PDE9A: variants seen among roughly 807,000 people sequenced by gnomAD.
PDE9A encodes phosphodiesterase 9A.
Under a neutral mutation model 87.4 loss-of-function variants are expected in PDE9A, and 60 were observed. That is an observed-to-expected ratio of 0.69 (90% confidence interval 0.56 to 0.85). The LOEUF (loss-of-function observed/expected upper bound fraction) is 0.85, where lower values mean the gene tolerates loss of function less well. Ranked by LOEUF, PDE9A falls within the 40% of genes least tolerant of loss-of-function variation. The probability of loss-of-function intolerance (pLI) is 0.00; values close to 1 mark genes in which losing one functional copy is unlikely to be tolerated. For synonymous variants in PDE9A, 272 were observed against 279.4 expected, an observed-to-expected ratio of 0.97 and a Z score of 0.27; for missense variants, 665 against 779.0, an observed-to-expected ratio of 0.85 and a Z score of 1.74.
At chr21:42,716,866 T>G (rs1310117226) in intron 4 of PDE9A, among the ~76,000 whole-genome samples, 1 of 147,476 alleles carries the variant, frequency 6.8e-6, no homozygotes, top group East Asian at 2.1e-4. Flanking sequence ...TTCTCCTGCC[T>G]CAGCCTCCCG....
rs1243032943 is a variant in PDE9A, at chr21:42,653,747, C to T, written c.-68C>T. Reference sequence around the variant, plus strand: ...CCGCCCCCTCCCCTGCTCCCCTCCCCCGCCTCCCGCGGCGGCTGGCGTCGG... The same window carrying T: ...CCGCCCCCTCCCCTGCTCCCCTCCCTCGCCTCCCGCGGCGGCTGGCGTCGG... On this transcript the variant is annotated 5_prime_UTR_variant, in exon 1 of 20. Coordinates refer to ENST00000291539, the MANE Select transcript of PDE9A (RefSeq NM_002606.3). 11 of 896,904 alleles carry T rather than the reference C, an allele frequency of 1.2e-5. No individual in the cohort carries two copies. The African/African-American group carries it at 1.3e-4, about 10-fold the overall frequency. 55.6% of individuals were successfully genotyped at this position (896,904 alleles called of 1,614,324 possible).
intron 1 of PDE9A, among the ~76,000 whole-genome samples, chr21:42,671,593 GAGGTAAATTGC>G (rs1287076702): frequency 6.6e-6 from 1 of 152,178 alleles, no homozygotes; most frequent in Admixed American, 6.5e-5. Flanking sequence ...TTTGTAACTA[GAGGTAAATTGC>G]AGATGAATTG....
intron 14 of PDE9A, among the ~76,000 whole-genome samples, chr21:42,764,503 A>G (rs2056164793): frequency 1.3e-5 from 2 of 152,200 alleles, no homozygotes; most frequent in South Asian, 4.1e-4. Context: ...AAGCAAGTGA[A>G]CGCCCCTTAG....
intron 7 of PDE9A, among the ~76,000 whole-genome samples, chr21:42,742,940 G>A (rs1049539823): frequency 2.0e-5 from 3 of 152,160 alleles, no homozygotes; most frequent in Non-Finnish European, 4.4e-5. Flanking sequence ...CTCCAGCTGC[G>A]TGACTCTTAA....
At position 42,692,930 on chromosome 21, in the gene PDE9A, G is replaced by A. The variant is rs1044427467; in HGVS notation, c.218+4936G>A. 4.6e-5 allele frequency among the ~76,000 whole-genome samples: 7 copies of A among 152,044 alleles called. No individual in the cohort carries two copies. Among genetic ancestry groups the A allele is most frequent in the Admixed American group, 2.0e-4 (3 of 15,278 alleles). On this transcript the variant is annotated intron_variant, in intron 3 of 19. Transcript: ENST00000291539. This position sits in a 1 kb window ranked among gnomAD's most constrained non-coding sequence, Gnocchi z 4.3. ...CGGGAATGCTCACCGTTTCTCTCCC[G>A]CCCCCCGGCCGCATGCTGCAGCCAT...
chr21:42,692,817 A>T lies in PDE9A; in HGVS notation c.218+4823A>T, dbSNP rs2059927231. Reference sequence around the variant, plus strand: ...CCTCTCCTCCACTCGGTGCCTGGTGACATGCGGCCATCCTCAGAGATGTGC... The same window carrying T: ...CCTCTCCTCCACTCGGTGCCTGGTGTCATGCGGCCATCCTCAGAGATGTGC... On this transcript the variant is annotated intron_variant, in intron 3 of 19. Transcript: ENST00000291539. This position sits in a 1 kb window ranked among gnomAD's most constrained non-coding sequence, Gnocchi z 4.3. 6.6e-6 allele frequency among the ~76,000 whole-genome samples: 1 copy of T among 151,822 alleles called. No homozygotes were observed. The highest frequency in any genetic ancestry group is 6.6e-5 in the Admixed American group (1 of 15,256).
At chr21:42,682,018 C>T (rs1017672941) in intron 1 of PDE9A, among the ~76,000 whole-genome samples, 2 of 152,208 alleles carry the variant, frequency 1.3e-5, no homozygotes, top group Non-Finnish European at 1.5e-5. Flanking sequence ...CTGACACCAG[C>T]GAAGAGCGCG....
chr21:42,684,116 G>A (rs989526092), intron 1 of PDE9A, among the ~76,000 whole-genome samples: 1 of 152,240 alleles, frequency 6.6e-6, no homozygotes, highest in Non-Finnish European at 1.5e-5. Flanking sequence ...CGGACCCACT[G>A]CGTGGGAATC....
intron 1 of PDE9A, among the ~76,000 whole-genome samples, chr21:42,683,724 C>T (rs574969774): frequency 3.3e-5 from 5 of 152,214 alleles, no homozygotes; most frequent in Non-Finnish European, 5.9e-5. Context: ...GCCCTCCCCT[C>T]GCCTTTTGAG....
intron 1 of PDE9A, among the ~76,000 whole-genome samples, chr21:42,683,447 G>A (rs923883660): frequency 1.3e-5 from 2 of 152,254 alleles, no homozygotes; most frequent in Admixed American, 1.3e-4. Context: ...TTCTGTAGAT[G>A]ACAGCTACCC....
chr21:42,741,644 G>C (rs1286017191), intron 7 of PDE9A: 2 of 152,162 alleles, frequency 1.3e-5, no homozygotes, highest in Non-Finnish European at 2.9e-5. Context: ...TCGTCCTTCT[G>C]GCAGAAAGAA....
At chr21:42,653,997 GCGCTC>G (rs1007197477) in intron 1 of PDE9A, 114 bp downstream of exon 1, 30 of 540,306 alleles carry the variant, frequency 5.6e-5, no homozygotes, top group Non-Finnish European at 8.4e-5. Flanking sequence ...CGGCCTCCGT[GCGCTC>G]CGCCAGCTCT....
At chr21:42,662,971 C>T (rs111213070) in intron 1 of PDE9A, among the ~76,000 whole-genome samples, 39 of 145,498 alleles carry the variant, frequency 2.7e-4, no homozygotes, top group Admixed American at 6.9e-4. Flanking sequence ...ACACGCCACG[C>T]GCCTCACACA....
At chr21:42,662,943 C>G (rs2057677194) in intron 1 of PDE9A, among the ~76,000 whole-genome samples, 1 of 149,014 alleles carries the variant, frequency 6.7e-6, no homozygotes, top group Admixed American at 6.7e-5. Flanking sequence ...GCACACCACG[C>G]ACACGCACAT....
At chr21:42,763,489 C>T (rs1040842946) in intron 14 of PDE9A, among the ~76,000 whole-genome samples, 4 of 152,160 alleles carry the variant, frequency 2.6e-5, no homozygotes, top group African/African-American at 9.7e-5. Context: ...TCGGGGCCCC[C>T]AGGAGCAGGA....
At position 42,758,997 on chromosome 21, in the gene PDE9A, A is replaced by T; in HGVS notation, c.811-2A>T. 1.2e-6 allele frequency: 2 copies of T among 1,612,652 alleles called. No individual in the cohort carries two copies. ...GTGCCTATCCTTCTCCTGTGCCCAC[A>T]GATGCTGAGCTGCCTGGAGCACATG... On this transcript the variant is annotated splice_acceptor_variant, in intron 10 of 19. Transcript: ENST00000291539. LOFTEE classifies it high-confidence loss of function.
chr21:42,762,129 A>G lies in PDE9A; in HGVS notation c.1132A>G (p.Ile378Val), dbSNP rs950448856. 1 of 1,614,064 alleles carries G rather than the reference A, an allele frequency of 6.2e-7. No individual in the cohort carries two copies. The highest frequency in any genetic ancestry group is 8.5e-7 in the Non-Finnish European group (1 of 1,179,976). The change falls in exon 14 of 20, where the codon ATC becomes GTC. Residue 378 changes from isoleucine (I) to valine (V), a missense_variant. Ile to Val is a conservative substitution (Grantham distance 29). Transcript: ENST00000291539. ...AGAGCTGGCGGTCCGCTACAATGAC[A>G]TCTCACCGCTGGAGAACCACCACTG... is the stretch of plus-strand genomic sequence containing the variant. Reference protein sequence around the residue: ...RTELAVRYNDISPLENHHCAV... With the variant: ...RTELAVRYNDVSPLENHHCAV...
chr21:42,701,042 C>T (rs996325388), intron 4 of PDE9A: 1 of 152,146 alleles, frequency 6.6e-6, no homozygotes, highest in Admixed American at 6.5e-5. Context: ...AATATACAGA[C>T]CAATGTGGGA....
chr21:42,687,528 C>A (rs1225339493), intron 2 of PDE9A, among the ~76,000 whole-genome samples: 1 of 152,072 alleles, frequency 6.6e-6, no homozygotes, highest in African/African-American at 2.4e-5. Flanking sequence ...GAGAGACTTG[C>A]GCAGTTCAGA....
Sources: gnomAD v4.1 joint callset for allele counts (sites outside exome capture counted in the v4.1 genomes callset) on GRCh38, gnomAD v4.1.1 for gene constraint, Gnocchi (gnomAD v3.1) non-coding constraint, MANE v1.5 for transcripts, NCBI Gene and HGNC (gene_info 2026-07-23, HGNC 2026-07-21) for gene names.